MYRIP: variants seen among roughly 807,000 people sequenced by gnomAD.
MYRIP encodes the protein rab effector MyRIP.
Under a neutral mutation model 98.0 loss-of-function variants are expected in MYRIP, and 49 were observed. The observed-to-expected ratio is 0.50, with a 90% CI of 0.40 to 0.63. MYRIP has a LOEUF of 0.63. Among genes scored for constraint, MYRIP ranks in the 30% least tolerant of loss-of-function variants. The pLI, the probability that MYRIP is intolerant of heterozygous loss-of-function variation, is 0.00. For missense variants in MYRIP, 1,004 were observed against 1,058.2 expected (o/e 0.95, Z 0.71); for synonymous variants, 404 against 409.5 (o/e 0.99, Z 0.16).
chr3:40,166,619 T>C (rs1950505152), intron 5 of MYRIP, among the ~76,000 whole-genome samples: 1 of 152,008 alleles, frequency 6.6e-6, no homozygotes, highest in African/African-American at 2.4e-5. Flanking sequence ...AGGAATGAGA[T>C]TGCAGGCATG....
intron 3 of MYRIP, among the ~76,000 whole-genome samples, chr3:40,117,829 C>G (rs1949315194): frequency 6.6e-6 from 1 of 151,974 alleles, no homozygotes; most frequent in Non-Finnish European, 1.5e-5. Flanking sequence ...AAAAATAAAC[C>G]CAAATACAAA....
At chr3:40,246,748 G>A (rs571696833) in intron 13 of MYRIP, among the ~76,000 whole-genome samples, 2 of 152,260 alleles carry the variant, frequency 1.3e-5, no homozygotes, top group African/African-American at 4.8e-5. Context: ...TCATTTCACA[G>A]AGACAATGAC....
At chr3:39,831,277 A>G (rs1319779144) in intron 1 of MYRIP, among the ~76,000 whole-genome samples, 1 of 152,090 alleles carries the variant, frequency 6.6e-6, no homozygotes, top group African/African-American at 2.4e-5. Flanking sequence ...GTGATCTTCA[A>G]GCATATCTAT....
At chr3:39,831,079 C>T (rs1941430710) in intron 1 of MYRIP, among the ~76,000 whole-genome samples, 1 of 152,138 alleles carries the variant, frequency 6.6e-6, no homozygotes, top group South Asian at 2.1e-4. Flanking sequence ...CTTTCTTCAC[C>T]AGGTCTCAAG....
At chr3:39,837,431 T>C (rs1310841129) in intron 1 of MYRIP, among the ~76,000 whole-genome samples, 2 of 152,226 alleles carry the variant, frequency 1.3e-5, no homozygotes, top group Admixed American at 6.5e-5. Context: ...GTTTTCTATA[T>C]ATGGCTCGTC....
chr3:40,130,195 A>T (rs531345610), intron 3 of MYRIP, among the ~76,000 whole-genome samples: 2 of 152,284 alleles, frequency 1.3e-5, no homozygotes, highest in South Asian at 4.1e-4. Context: ...CCCAAGAATG[A>T]TGTCTACAGT....
intron 3 of MYRIP, among the ~76,000 whole-genome samples, chr3:40,091,719 T>C (rs1207185319): frequency 6.6e-6 from 1 of 152,190 alleles, no homozygotes; most frequent in African/African-American, 2.4e-5. Context: ...ATTTTGCTTG[T>C]CACTTCTAAT....
At chr3:40,160,537 T>C (rs943776751) in intron 4 of MYRIP, among the ~76,000 whole-genome samples, 10 of 152,314 alleles carry the variant, frequency 6.6e-5, no homozygotes, top group South Asian at 4.1e-4. Flanking sequence ...TCGAGTTTCC[T>C]GGCTGCTTTG....
chr3:40,199,080 A>C (rs1179309402), intron 10 of MYRIP, among the ~76,000 whole-genome samples: 3 of 152,166 alleles, frequency 2.0e-5, no homozygotes, highest in Non-Finnish European at 4.4e-5. Context: ...AGGACAATAA[A>C]AGGAGAGTGA....
chr3:39,814,714 C>T (rs1352047509), intron 1 of MYRIP, among the ~76,000 whole-genome samples: 2 of 152,164 alleles, frequency 1.3e-5, no homozygotes, highest in African/African-American at 4.8e-5. Flanking sequence ...TAAATCTTCT[C>T]TTCTTACCCT....
intron 3 of MYRIP, among the ~76,000 whole-genome samples, chr3:40,055,909 G>T (rs1016654136): frequency 1.3e-5 from 2 of 152,106 alleles, no homozygotes; most frequent in Non-Finnish European, 2.9e-5. Flanking sequence ...AGAAATAAGA[G>T]AATTAATCGA....
intron 11 of MYRIP, among the ~76,000 whole-genome samples, chr3:40,215,556 G>T (rs35833611): frequency 0.087 from 13,165 of 152,090 alleles, 885 homozygotes; most frequent in African/African-American, 0.19. Context: ...TGTTGTCTGA[G>T]AAAACCCAGA....
At chr3:40,135,932 C>A in intron 3 of MYRIP, among the ~76,000 whole-genome samples, 1 of 152,126 alleles carries the variant, frequency 6.6e-6, no homozygotes, top group East Asian at 1.9e-4. Context: ...CAAAAACATG[C>A]CAAATTGTAA....
intron 2 of MYRIP, among the ~76,000 whole-genome samples, chr3:40,043,065 T>G (rs556652852): frequency 6.6e-6 from 1 of 152,176 alleles, no homozygotes; most frequent in African/African-American, 2.4e-5. Flanking sequence ...AATGAATCCA[T>G]GTAGTTTCTG....
intron 9 of MYRIP, among the ~76,000 whole-genome samples, chr3:40,182,877 T>A (rs1018162736): frequency 6.6e-6 from 1 of 152,212 alleles, no homozygotes; most frequent in Admixed American, 6.5e-5. Context: ...TAGGGTAGCA[T>A]ATGCCACTAT....
chr3:40,251,290 T>C (rs996689285), intron 15 of MYRIP, among the ~76,000 whole-genome samples: 6 of 152,238 alleles, frequency 3.9e-5, no homozygotes, highest in Admixed American at 3.3e-4. Context: ...TCTACAAAAC[T>C]GTATGCAGTT....
chr3:40,179,242 C>T (rs2125612523), intron 8 of MYRIP, among the ~76,000 whole-genome samples: 1 of 152,292 alleles, frequency 6.6e-6, no homozygotes, highest in South Asian at 2.1e-4. Flanking sequence ...GACTGTAGGC[C>T]ACCAGTGTCC....
At chr3:39,963,237 G>A (rs547759813) in intron 2 of MYRIP, among the ~76,000 whole-genome samples, 1 of 152,114 alleles carries the variant, frequency 6.6e-6, no homozygotes, top group African/African-American at 2.4e-5. Flanking sequence ...GAGATGATGT[G>A]AGTGAACAGC....
intron 7 of MYRIP, among the ~76,000 whole-genome samples, chr3:40,168,461 T>C (rs1950544403): frequency 6.6e-6 from 1 of 152,262 alleles, no homozygotes; most frequent in Non-Finnish European, 1.5e-5. Flanking sequence ...GTTTATTAGC[T>C]CATATAATTT....
Sources: gnomAD v4.1 joint callset for allele counts (sites outside exome capture counted in the v4.1 genomes callset) on GRCh38, gnomAD v4.1.1 for gene constraint, MANE v1.5 for transcripts, NCBI Gene and HGNC (gene_info 2026-07-23, HGNC 2026-07-21) for gene names.